The following KIF21A variants were observed in gnomAD, a reference collection of about 807,000 sequenced individuals.
KIF21A encodes kinesin-like protein KIF21A.
A neutral mutation model predicts 202.9 loss-of-function variants in KIF21A; 114 were observed. The ratio of observed to expected loss-of-function variants is 0.56; its 90% CI spans 0.48 to 0.66. KIF21A has a LOEUF of 0.66. KIF21A is among the 30% of genes least tolerant of loss of function. The pLI, the probability that KIF21A is intolerant of heterozygous loss-of-function variation, is 0.00. For missense variants in KIF21A, 1,677 were observed against 1,994.9 expected (o/e 0.84, Z 3.04); for synonymous variants, 667 against 670.8 (o/e 0.99, Z 0.09).
At chr12:39,322,640 G>C in intron 27 of KIF21A, 28 bp downstream of exon 27, 1 of 1,545,122 alleles carries the variant, frequency 6.5e-7, no homozygotes, top group Non-Finnish European at 8.9e-7. Flanking sequence ...CAAAAGAAAA[G>C]AAGTTAGTGT....
intron 28 of KIF21A, 22 bp downstream of exon 28, chr12:39,319,884 G>T: frequency 7.4e-7 from 1 of 1,348,234 alleles, no homozygotes; most frequent in Non-Finnish European, 1.1e-6. Flanking sequence ...AGTCTAGCAG[G>T]TAAAAAACAT....
chr12:39,386,302 C>T (rs1210424873), intron 1 of KIF21A, among the ~76,000 whole-genome samples: 1 of 152,022 alleles, frequency 6.6e-6, no homozygotes, highest in East Asian at 1.9e-4. Context: ...TATTCCAGAT[C>T]ATGTGAATGG....
In KIF21A at chr12:39,416,818, T is replaced by TATAG. The variant is rs1555198560; in HGVS notation, c.44+26108_44+26109insCTAT. On this transcript the variant is annotated intron_variant, in intron 1 of 37. Coordinates refer to ENST00000361418, the MANE Select transcript of KIF21A (RefSeq NM_001173464.2). ...ATATATGTACATATATATGTGTGTA[T>TATAG]ATATGTACATATATGTGTATATATA... 1.6e-4 allele frequency among the ~76,000 whole-genome samples: 22 copies of TATAG among 139,700 alleles called. 2 individuals carry two copies. In the East Asian group the frequency reaches 2.2e-3, roughly 14 times the overall value. The allele number at this position is 139,700 out of a possible 152,430, so 91.6% of individuals were successfully genotyped here.
At chr12:39,352,057 C>T in intron 10 of KIF21A, 77 bp from the exon 11 acceptor site, 2 of 1,034,032 alleles carry the variant, frequency 1.9e-6, no homozygotes, top group Non-Finnish European at 3.0e-6. Flanking sequence ...GTGTACCACA[C>T]TACCATTTCT....
chr12:39,337,228 A>T (rs769903639), intron 16 of KIF21A, 25 bp from the exon 17 acceptor site: 6 of 1,397,892 alleles, frequency 4.3e-6, no homozygotes, highest in Non-Finnish European at 6.1e-6. Flanking sequence ...ATAGACATCT[A>T]TTGAAATTAC....
At chr12:39,410,898 C>T (rs535187495) in intron 1 of KIF21A, among the ~76,000 whole-genome samples, 67 of 152,222 alleles carry the variant, frequency 4.4e-4, no homozygotes, top group African/African-American at 1.6e-3. Context: ...GTTCTCATAC[C>T]CTGGAGGAAT....
chr12:39,382,504 T>C (rs149644609), intron 1 of KIF21A, among the ~76,000 whole-genome samples: 1,560 of 152,296 alleles, frequency 0.01, 16 homozygotes, highest in Non-Finnish European at 0.016. Flanking sequence ...GTTGCATATG[T>C]GTCTTAATTT....
chr12:39,421,554 G>T (rs1954259852), intron 1 of KIF21A, among the ~76,000 whole-genome samples: 1 of 151,748 alleles, frequency 6.6e-6, no homozygotes, highest in Admixed American at 6.6e-5. Flanking sequence ...TTAGCCGGGT[G>T]TGATAGTGCA....
Position 39,311,409 on chromosome 12 carries a change from A to T in KIF21A, c.4096+8T>A. On this transcript the variant is annotated splice_region_variant and intron_variant, in intron 32 of 37. Transcript: ENST00000361418. ...TATTAAATATCTGCATTAGATAACT[A>T]CTAGCACCTTTTGATCCAGTGAAGA... 2 of 1,612,170 alleles carry T rather than the reference A, an allele frequency of 1.2e-6. No homozygotes were observed. Among genetic ancestry groups the T allele is most frequent in the Non-Finnish European group, 1.7e-6 (2 of 1,178,490 alleles).
intron 33 of KIF21A, among the ~76,000 whole-genome samples, chr12:39,308,044 A>T (rs1943647559): frequency 6.6e-6 from 1 of 152,106 alleles, no homozygotes; most frequent in South Asian, 2.1e-4. Context: ...TTCAGAAAAG[A>T]TTAGATTTTT....
intron 1 of KIF21A, among the ~76,000 whole-genome samples, chr12:39,377,955 T>C (rs1950368018): frequency 1.3e-5 from 2 of 152,208 alleles, no homozygotes; most frequent in South Asian, 4.1e-4. Flanking sequence ...ACTGGACTCA[T>C]AAACTTTATG....
intron 37 of KIF21A, among the ~76,000 whole-genome samples, chr12:39,298,809 T>A (rs1942669369): frequency 6.6e-6 from 1 of 152,064 alleles, no homozygotes; most frequent in Non-Finnish European, 1.5e-5. Flanking sequence ...TGATATCAGA[T>A]CCAGAAATGA....
intron 1 of KIF21A, among the ~76,000 whole-genome samples, chr12:39,391,886 C>A (rs925824604): frequency 8.6e-5 from 13 of 151,940 alleles, no homozygotes; most frequent in African/African-American, 3.1e-4. Flanking sequence ...TTACAGGCAC[C>A]TGCCATTACA....
chr12:39,372,403 G>T (rs2139236166), intron 1 of KIF21A, among the ~76,000 whole-genome samples: 1 of 152,254 alleles, frequency 6.6e-6, no homozygotes, highest in Non-Finnish European at 1.5e-5. Context: ...AGGTAATGAG[G>T]CAAGAGCAAT....
chr12:39,422,311 T>A (rs1056715375), intron 1 of KIF21A, among the ~76,000 whole-genome samples: 17 of 152,080 alleles, frequency 1.1e-4, no homozygotes, highest in African/African-American at 4.1e-4. Flanking sequence ...TTGCAAGTAG[T>A]CTTGTGAAAA....
At chr12:39,406,777 T>A (rs1294347438) in intron 1 of KIF21A, among the ~76,000 whole-genome samples, 1 of 152,198 alleles carries the variant, frequency 6.6e-6, no homozygotes, top group African/African-American at 2.4e-5. Flanking sequence ...ACTTTACGTG[T>A]ATGACCACAA....
intron 17 of KIF21A, 80 bp from the exon 18 acceptor site, chr12:39,333,360 C>T: frequency 9.4e-7 from 1 of 1,059,184 alleles, no homozygotes; most frequent in Non-Finnish European, 1.5e-6. Flanking sequence ...TATATTTCCC[C>T]ATACCCCTGG....
At position 39,413,175 on chromosome 12, in the gene KIF21A, TA is replaced by T. The variant is rs554702803; in HGVS notation, c.44+29751del. Among the ~76,000 whole-genome samples the T allele has an allele frequency of 1.1e-4, 17 of 152,164 alleles. No homozygotes were observed. In the East Asian group the frequency reaches 1.5e-3, roughly 14 times the overall value. ...ATTACCTAACTGAACTTCTTCTTTA[TA>T]AAAAAAAGAATACAGCACTTGAGAA... On this transcript the variant is annotated intron_variant, in intron 1 of 37. Coordinates refer to ENST00000361418, the MANE Select transcript of KIF21A (RefSeq NM_001173464.2).
At chr12:39,320,645 A>T (rs1945112433) in intron 27 of KIF21A, among the ~76,000 whole-genome samples, 1 of 151,824 alleles carries the variant, frequency 6.6e-6, no homozygotes. Context: ...AAAAAAAAAA[A>T]AAGTCTGGGC....
Sources: allele counts gnomAD v4.1 joint callset (sites outside exome capture counted in the v4.1 genomes callset), GRCh38; gene constraint gnomAD v4.1.1; transcripts MANE v1.5; gene names NCBI Gene and HGNC (gene_info 2026-07-23, HGNC 2026-07-21).